The following PTCD3 variants were observed in gnomAD, a reference collection of about 807,000 sequenced individuals.
PTCD3 encodes the protein pentatricopeptide repeat domain 3, also known as small ribosomal subunit protein mS39.
A neutral mutation model predicts 101.9 loss-of-function variants in PTCD3; 89 were observed. That is an observed-to-expected ratio of 0.87 (90% CI 0.74 to 1.04). The LOEUF (loss-of-function observed/expected upper bound fraction) is 1.04, where lower values mean the gene tolerates loss of function less well. PTCD3 is among the 50% of genes least tolerant of loss of function. PTCD3 has a pLI of 0.00. For synonymous variants in PTCD3, 296 were observed against 278.5 expected, an observed-to-expected ratio of 1.06 and a Z score of -0.63; for missense variants, 870 against 828.2, an observed-to-expected ratio of 1.05 and a Z score of -0.62.
intron 1 of PTCD3, chr2:86,107,183 C>T (rs1673973488): frequency 2.1e-6 from 1 of 471,106 alleles, no homozygotes; most frequent in Non-Finnish European, 4.4e-6. Context: ...CCATTCAATG[C>T]CAGTCCTCCG....
In PTCD3 at chr2:86,133,056, T is replaced by G. The variant is rs919671571; in HGVS notation, c.1374-122T>G. ...TAAACCAAATATTGGCTCGTTTAAC[T>G]TGAAACTGTAAGTATTTTGAAATTC... is the stretch of plus-strand genomic sequence containing the variant. On this transcript the variant is annotated intron_variant, in intron 17 of 23. Transcript: ENST00000254630. 4.2e-6 allele frequency: 6 copies of G among 1,439,482 alleles called. No individual in the cohort carries two copies. The Admixed American group carries it at 1.1e-4, about 27-fold the overall frequency. 89.2% of individuals were successfully genotyped at this position (1,439,482 alleles called of 1,614,324 possible).
intron 9 of PTCD3, 58 bp downstream of exon 9, chr2:86,123,820 C>G: frequency 1.8e-6 from 2 of 1,104,658 alleles, no homozygotes; most frequent in Non-Finnish European, 2.5e-6. Context: ...ATGGAATATG[C>G]CCCATCACCC....
intron 4 of PTCD3, among the ~76,000 whole-genome samples, chr2:86,111,479 T>C (rs1363803381): frequency 6.6e-6 from 1 of 151,732 alleles, no homozygotes; most frequent in Non-Finnish European, 1.5e-5. Flanking sequence ...TCCCAGCTAC[T>C]TGGGAGGCTG....
intron 6 of PTCD3, among the ~76,000 whole-genome samples, chr2:86,117,741 G>A (rs552705427): frequency 5.5e-4 from 84 of 152,096 alleles, no homozygotes; most frequent in African/African-American, 2.0e-3. Context: ...GATTGCAGGT[G>A]TAAGCCACTG....
intron 3 of PTCD3, chr2:86,108,905 G>T: frequency 1.1e-5 from 2 of 186,304 alleles, no homozygotes; most frequent in Non-Finnish European, 2.2e-5. Context: ...CTCTAATGAG[G>T]TAAAAATAAA....
rs1304848179 is a variant in PTCD3 at position 86,130,821 on chromosome 2, C to G, written c.1237+84C>G. 6 of 1,537,630 alleles carry G rather than the reference C, an allele frequency of 3.9e-6. No individual in the cohort carries two copies. The South Asian group carries it at 7.9e-5, about 20-fold the overall frequency. On this transcript the variant is annotated intron_variant, in intron 15 of 23. Coordinates refer to ENST00000254630, the MANE Select transcript of PTCD3 (RefSeq NM_017952.6). The stretch of plus-strand genomic sequence containing the variant: ...AGTACCAGTTAGAGGCCTTGTGATC[C>G]CTATAGCTTAGAAGTATTTTTTTTT...
At position 86,121,563 on chromosome 2, in the gene PTCD3, A is replaced by G. The variant is rs1352530481; in HGVS notation, c.623A>G (p.His208Arg). The G allele has an allele frequency of 1.2e-6, 2 of 1,609,930 alleles. No individual in the cohort carries two copies. Among genetic ancestry groups the G allele is most frequent in the Middle Eastern group, 1.7e-4 (1 of 6,040 alleles). ...GACCAGGAGCCCTCAACTGATTACC[A>G]TTTTCAACAAACTGGACAGTCAGAA... is the stretch of plus-strand genomic sequence containing the variant. The part of the protein sequence containing the change: ...YGDQEPSTDY[H>R]FQQTGQSEAL... The change falls in exon 8 of 24, where the codon CAT becomes CGT. Residue 208 changes from histidine to arginine, a missense_variant. By Grantham distance (29) the His-to-Arg change is conservative (BLOSUM62 0). Transcript: ENST00000254630.
intron 20 of PTCD3, 67 bp downstream of exon 20, chr2:86,134,444 G>C (rs899173152): frequency 7.7e-7 from 1 of 1,297,208 alleles, no homozygotes; most frequent in African/African-American, 1.5e-5. Context: ...TAGCTTCCCT[G>C]GTTTTATCTG....
At chr2:86,110,493 G>T (rs901834084) in intron 3 of PTCD3, among the ~76,000 whole-genome samples, 8 of 152,190 alleles carry the variant, frequency 5.3e-5, no homozygotes, top group Non-Finnish European at 1.2e-4. Flanking sequence ...AAATTATCTT[G>T]TCTGTCATTT....
intron 13 of PTCD3, 135 bp downstream of exon 13, chr2:86,127,440 C>T: frequency 1.0e-6 from 1 of 991,694 alleles, no homozygotes; most frequent in Admixed American, 2.7e-5. Flanking sequence ...ATGTTTGGCA[C>T]ATTTACTTAC....
intron 14 of PTCD3, 43 bp downstream of exon 14, chr2:86,128,034 A>G: frequency 6.9e-7 from 1 of 1,450,504 alleles, no homozygotes; most frequent in Non-Finnish European, 9.7e-7. Flanking sequence ...TAGAAAATTG[A>G]CCAGCTTTCT....
chr2:86,127,804 T>A (rs968892643), intron 13 of PTCD3, 137 bp from the exon 14 acceptor site: 6 of 707,874 alleles, frequency 8.5e-6, no homozygotes, highest in Non-Finnish European at 1.2e-5. Flanking sequence ...AATAACTTTG[T>A]TCAAAGGAAT....
Position 86,137,831 on chromosome 2 carries a change from T to C in PTCD3, c.*272T>C, listed in dbSNP as rs1674616814. 8.0e-6 allele frequency: 3 copies of C among 373,620 alleles called. No individual in the cohort carries two copies. Among genetic ancestry groups the C allele is most frequent in the South Asian group, 6.8e-5 (3 of 43,854 alleles). 23.1% of individuals were successfully genotyped at this position (373,620 alleles called of 1,614,324 possible). ...GACACATGGTGAGGTCCATGGCTCT[T>C]GTCATCAGGATAAGCCTGCACACCT... On this transcript the variant is annotated 3_prime_UTR_variant, in exon 24 of 24. Coordinates refer to ENST00000254630, the MANE Select transcript of PTCD3 (RefSeq NM_017952.6).
rs758293795 is a variant in PTCD3 at position 86,133,343 on chromosome 2, C to G, written c.1453-3C>G. On this transcript the variant is annotated splice_polypyrimidine_tract_variant and splice_region_variant and intron_variant, in intron 18 of 23. Coordinates refer to ENST00000254630, the MANE Select transcript of PTCD3 (RefSeq NM_017952.6). ...GCTTTAAAAATGTGTTTCTCTTAAT[C>G]AGGCCTACTTTCCCCACTCCCAAAC... is the stretch of plus-strand genomic sequence containing the variant. 1.3e-5 allele frequency: 21 copies of G among 1,613,972 alleles called. No homozygotes were observed. The highest frequency in any genetic ancestry group is 6.7e-5 in the African/African-American group (5 of 74,916).
chr2:86,121,395 T>C (rs1023689095), intron 7 of PTCD3, 84 bp from the exon 8 acceptor site: 2 of 832,710 alleles, frequency 2.4e-6, no homozygotes, highest in African/African-American at 1.7e-5. Flanking sequence ...ACCGCTAATA[T>C]AAAAAAATGA....
At chr2:86,125,340 G>C in intron 10 of PTCD3, 115 bp from the exon 11 acceptor site, 1 of 1,189,028 alleles carries the variant, frequency 8.4e-7, no homozygotes, top group Admixed American at 1.9e-5. Context: ...TGAGCTTCAT[G>C]AGAACAGGAG....
At chr2:86,110,882 CATT>C in intron 3 of PTCD3, 1 of 725,700 alleles carries the variant, frequency 1.4e-6, no homozygotes, top group South Asian at 1.5e-5. Context: ...TGGGTTATGG[CATT>C]ATGCACCAGG....
intron 21 of PTCD3, 101 bp from the exon 22 acceptor site, chr2:86,136,420 A>G (rs905225360): frequency 1.7e-6 from 2 of 1,179,324 alleles, no homozygotes; most frequent in Non-Finnish European, 2.5e-6. Flanking sequence ...TATAGTTAAG[A>G]AAAGGGCATT....
At position 86,127,376 on chromosome 2, in the gene PTCD3, A is replaced by G. The variant is rs1208519590; in HGVS notation, c.1096+71A>G. On this transcript the variant is annotated intron_variant, in intron 13 of 23. Coordinates refer to ENST00000254630, the MANE Select transcript of PTCD3 (RefSeq NM_017952.6). ...CCAGAGGTTTCAGGGCTACATAAGCAAAGAGCTTTAAATTATTCTTGTGCT... is the reference window on the plus strand; with the variant it reads ...CCAGAGGTTTCAGGGCTACATAAGCGAAGAGCTTTAAATTATTCTTGTGCT... 4.1e-6 allele frequency: 6 copies of G among 1,469,088 alleles called. No homozygotes were observed. The African/African-American group carries it at 5.7e-5, about 14-fold the overall frequency. 91.0% of individuals were successfully genotyped at this position (1,469,088 alleles called of 1,614,324 possible). A position where few individuals can be genotyped will look rare whatever the true frequency, so the allele number is the denominator to read the frequency against.
Sources: gnomAD v4.1 joint callset for allele counts (sites outside exome capture counted in the v4.1 genomes callset) on GRCh38, gnomAD v4.1.1 for gene constraint, MANE v1.5 for transcripts, NCBI Gene and HGNC (gene_info 2026-07-23, HGNC 2026-07-21) for gene names.